Variants in GASK1B observed in about 807,000 individuals in gnomAD.
GASK1B encodes Golgi-associated kinase 1B.
Under a neutral mutation model 42.8 loss-of-function variants are expected in GASK1B, and 34 were observed. The observed-to-expected ratio is 0.79, with a 90% confidence interval of 0.60 to 1.06. GASK1B has a LOEUF of 1.06. Ranked by LOEUF, GASK1B falls within the 50% of genes least tolerant of loss-of-function variation. The pLI is 0.00. For synonymous variants in GASK1B, 262 were observed against 259.1 expected (o/e 1.01, Z -0.11); for missense variants, 686 against 661.0 (o/e 1.04, Z -0.42).
At chr4:158,139,605 C>G (rs1731038853) in intron 3 of GASK1B, among the ~76,000 whole-genome samples, 1 of 151,910 alleles carries the variant, frequency 6.6e-6, no homozygotes, top group Non-Finnish European at 1.5e-5. Context: ...TGAGGACCCC[C>G]TAAGAGTATT....
chr4:158,148,431 T>A (rs1270143584), intron 3 of GASK1B, among the ~76,000 whole-genome samples: 1 of 152,216 alleles, frequency 6.6e-6, no homozygotes, highest in Non-Finnish European at 1.5e-5. Flanking sequence ...ATTAGCCTCT[T>A]ACATTTTGCA....
intron 3 of GASK1B, among the ~76,000 whole-genome samples, chr4:158,146,430 T>A (rs1331486060): frequency 6.6e-6 from 1 of 152,180 alleles, no homozygotes; most frequent in Non-Finnish European, 1.5e-5. Flanking sequence ...TCTATGCTCA[T>A]TTCTGGATGA....
At chr4:158,147,925 A>G (rs1431396634) in intron 3 of GASK1B, among the ~76,000 whole-genome samples, 1 of 152,240 alleles carries the variant, frequency 6.6e-6, no homozygotes, top group Non-Finnish European at 1.5e-5. Flanking sequence ...ATCAATAAAT[A>G]TTTGAAAATA....
chr4:158,170,571 T>G lies in GASK1B; in HGVS notation c.805A>C (p.Lys269Gln), dbSNP rs199764073. The G allele has an allele frequency of 3.1e-6, 5 of 1,614,104 alleles. No homozygotes were observed. The highest frequency in any genetic ancestry group is 4.2e-6 in the Non-Finnish European group (5 of 1,180,018). Residue 269 changes from lysine to glutamine, a missense_variant, in exon 2 of 5, where the codon AAG becomes CAG. Lys to Gln is a moderately conservative substitution (Grantham distance 53). Transcript: ENST00000585682. Reference protein sequence around the residue: ...RCGPSPCGLLKQPLDMSEVFA... With the variant: ...RCGPSPCGLLQQPLDMSEVFA... ...ACCTCACTCATGTCCAAGGGCTGCT[T>G]GAGAAGCCCACAGGGGCTAGGGCCA...
chr4:158,154,925 G>A (rs564191809), intron 3 of GASK1B, among the ~76,000 whole-genome samples: 2 of 151,936 alleles, frequency 1.3e-5, no homozygotes, highest in Admixed American at 1.3e-4. Context: ...TCAGTTGATG[G>A]GTACACCAAA....
At chr4:158,145,175 T>C (rs1731282818) in intron 3 of GASK1B, among the ~76,000 whole-genome samples, 1 of 152,220 alleles carries the variant, frequency 6.6e-6, no homozygotes, top group Non-Finnish European at 1.5e-5. Context: ...CAATGATTGG[T>C]TGGAATTTTT....
At chr4:158,162,821 T>C (rs1215560005) in intron 2 of GASK1B, among the ~76,000 whole-genome samples, 1 of 152,140 alleles carries the variant, frequency 6.6e-6, no homozygotes, top group Non-Finnish European at 1.5e-5. Context: ...GATGGATGAT[T>C]AACTGGGAAA....
chr4:158,169,632 G>A (rs537217043), intron 2 of GASK1B: 1 of 152,274 alleles, frequency 6.6e-6, no homozygotes, highest in Non-Finnish European at 1.5e-5. Context: ...GTAACTTCTG[G>A]CATCATTCTG....
intron 3 of GASK1B, among the ~76,000 whole-genome samples, chr4:158,144,925 T>A (rs1731271937): frequency 6.6e-6 from 1 of 152,170 alleles, no homozygotes; most frequent in Non-Finnish European, 1.5e-5. Flanking sequence ...CTATTTGAAA[T>A]CCCAATGTCC....
intron 3 of GASK1B, among the ~76,000 whole-genome samples, chr4:158,137,122 C>T (rs11937022): frequency 0.9 from 137,238 of 152,152 alleles, 62,603 homozygotes; most frequent in East Asian, 0.98. Context: ...CCTGTGCTTG[C>T]TGTGTGCTTT....
At chr4:158,160,863 A>G (rs1028657102) in intron 2 of GASK1B, among the ~76,000 whole-genome samples, 1 of 152,208 alleles carries the variant, frequency 6.6e-6, no homozygotes, top group African/African-American at 2.4e-5. Context: ...AGGCACAGAA[A>G]GACAAATACT....
chr4:158,147,199 T>C (rs1731363956), intron 3 of GASK1B, among the ~76,000 whole-genome samples: 1 of 152,164 alleles, frequency 6.6e-6, no homozygotes, highest in Non-Finnish European at 1.5e-5. Context: ...TGAGAAAGAG[T>C]GTATAGATAA....
chr4:158,163,033 A>T (rs1259301697), intron 2 of GASK1B, among the ~76,000 whole-genome samples: 1 of 152,204 alleles, frequency 6.6e-6, no homozygotes, highest in African/African-American at 2.4e-5. Flanking sequence ...GTACAAGATT[A>T]TCTGATGTAG....
chr4:158,168,256 T>C (rs1273192532), intron 2 of GASK1B: 2 of 152,182 alleles, frequency 1.3e-5, no homozygotes, highest in Non-Finnish European at 1.5e-5. Context: ...GAGAGAAATA[T>C]CCAGGCTATA....
chr4:158,124,866 T>C lies in GASK1B; in HGVS notation c.*2541A>G, dbSNP rs1281270976. 6.6e-6 allele frequency: 1 copy of C among 152,208 alleles called. No individual in the cohort carries two copies. Among genetic ancestry groups the C allele is most frequent in the Non-Finnish European group, 1.5e-5 (1 of 68,030 alleles). The allele number at this position is 152,208 out of a possible 1,614,324, so 9.4% of individuals were successfully genotyped here. A position where few individuals can be genotyped will look rare whatever the true frequency, so the allele number is the denominator to read the frequency against. On this transcript the variant is annotated 3_prime_UTR_variant, in exon 5 of 5. Transcript: ENST00000585682. Reference sequence around the variant, plus strand: ...AAAAGCACATATCTTTAATTTCTAATGTTTTATTATAGATTTTTAAGATAC... The same window carrying C: ...AAAAGCACATATCTTTAATTTCTAACGTTTTATTATAGATTTTTAAGATAC...
At chr4:158,152,700 G>A (rs1731604955) in intron 3 of GASK1B, among the ~76,000 whole-genome samples, 1 of 152,070 alleles carries the variant, frequency 6.6e-6, no homozygotes, top group Admixed American at 6.6e-5. Context: ...ACATATGCAA[G>A]CAAGTCAATA....
intron 2 of GASK1B, among the ~76,000 whole-genome samples, chr4:158,167,023 T>G (rs1000976897): frequency 6.6e-6 from 1 of 152,186 alleles, no homozygotes; most frequent in South Asian, 2.1e-4. Flanking sequence ...GTCTACTGCA[T>G]AGGATTCTCA....
chr4:158,142,130 G>A lies in GASK1B; in HGVS notation c.1126-11118C>T, dbSNP rs1452048096. Among the ~76,000 whole-genome samples, 17 of 147,992 alleles carry A rather than the reference G, an allele frequency of 1.1e-4. No individual in the cohort carries two copies. The South Asian group carries it at 3.5e-3, about 30-fold the overall frequency. On this transcript the variant is annotated intron_variant, in intron 3 of 4. Coordinates refer to ENST00000585682, the MANE Select transcript of GASK1B (RefSeq NM_001128424.2). The stretch of plus-strand genomic sequence containing the variant: ...CGGCTAATTTTTTGTATTTTTAGTA[G>A]AGACGGGGTTTCACCTTGTTAGCCA...
chr4:158,130,845 C>CT lies in GASK1B; in HGVS notation c.1292dup (p.Phe434LeufsTer2). 1 of 1,613,912 alleles carries CT rather than the reference C, an allele frequency of 6.2e-7. No individual in the cohort carries two copies. The highest frequency in any genetic ancestry group is 8.5e-7 in the Non-Finnish European group (1 of 1,179,956). On this transcript the variant is annotated frameshift_variant, in exon 4 of 5. Coordinates refer to ENST00000585682, the MANE Select transcript of GASK1B (RefSeq NM_001128424.2). LOFTEE classifies it high-confidence loss of function. ...TATCTTCACTCCTGTCAAAGAAACC[C>CT]TTGTTGTCTATAAAAACCAAATGCC...
Sources: allele counts gnomAD v4.1 joint callset (sites outside exome capture counted in the v4.1 genomes callset), GRCh38; gene constraint gnomAD v4.1.1; transcripts MANE v1.5; gene names NCBI Gene and HGNC (gene_info 2026-07-23, HGNC 2026-07-21).